The following EYS variants were observed in gnomAD, a reference collection of about 807,000 sequenced individuals.
EYS encodes protein eyes shut homolog.
A neutral mutation model predicts 282.1 loss-of-function variants in EYS; 250 were observed. The observed-to-expected ratio is 0.89, with a 90% CI of 0.80 to 0.98. The LOEUF is 0.98. Among genes scored for constraint, EYS ranks in the 50% least tolerant of loss-of-function variants. The probability of loss-of-function intolerance (pLI) is 0.00; values close to 1 mark genes in which losing one functional copy is unlikely to be tolerated. For missense variants in EYS, 4,016 were observed against 3,709.0 expected (o/e 1.08, Z -2.15); for synonymous variants, 1,355 against 1,282.9 (o/e 1.06, Z -1.20).
chr6:64,452,576 G>T (rs1281541068), intron 26 of EYS, among the ~76,000 whole-genome samples: 4 of 152,088 alleles, frequency 2.6e-5, no homozygotes, highest in African/African-American at 7.2e-5. Flanking sequence ...AAAGAACAAA[G>T]CTGGAGGCAT....
chr6:64,930,461 T>TAAAAA (rs55650031), intron 15 of EYS, among the ~76,000 whole-genome samples: 4 of 123,022 alleles, frequency 3.3e-5, no homozygotes, highest in Non-Finnish European at 5.2e-5. Context: ...ATAAATAAGG[T>TAAAAA]AAAAAAAAAA....
At chr6:63,941,462 G>T (rs925084487) in intron 35 of EYS, among the ~76,000 whole-genome samples, 14 of 152,220 alleles carry the variant, frequency 9.2e-5, no homozygotes, top group East Asian at 3.9e-4. Context: ...TCATGTGTCT[G>T]TTGGCTGCAT....
intron 7 of EYS, among the ~76,000 whole-genome samples, chr6:65,392,018 A>T (rs1272765318): frequency 4.6e-5 from 7 of 151,738 alleles, no homozygotes; most frequent in African/African-American, 1.7e-4. Flanking sequence ...ATAACGCCGC[A>T]TATCTACAAC....
chr6:64,330,384 G>A (rs1452184840), intron 29 of EYS, among the ~76,000 whole-genome samples: 1 of 152,104 alleles, frequency 6.6e-6, no homozygotes, highest in Non-Finnish European at 1.5e-5. Context: ...TACACACTCG[G>A]CAAAACCATT....
intron 28 of EYS, among the ~76,000 whole-genome samples, chr6:64,397,911 C>A (rs1313574473): frequency 6.6e-6 from 1 of 151,734 alleles, no homozygotes; most frequent in Admixed American, 6.6e-5. Flanking sequence ...TTCTATTTTT[C>A]ATTATTATCT....
chr6:65,178,707 A>G (rs1362673240), intron 12 of EYS, among the ~76,000 whole-genome samples: 3 of 152,006 alleles, frequency 2.0e-5, no homozygotes, highest in East Asian at 3.9e-4. Flanking sequence ...TGCACCAAGC[A>G]GACATAATAG....
chr6:65,176,776 A>T (rs551386001), intron 12 of EYS, among the ~76,000 whole-genome samples: 15 of 151,826 alleles, frequency 9.9e-5, no homozygotes, highest in African/African-American at 3.4e-4. Flanking sequence ...TTATTTTTTT[A>T]AAATTTGAAA....
chr6:64,977,824 C>T (rs1005605214), intron 14 of EYS, among the ~76,000 whole-genome samples: 12 of 151,874 alleles, frequency 7.9e-5, no homozygotes, highest in African/African-American at 2.2e-4. Flanking sequence ...TCCAGTTAGG[C>T]GAAACCCAAT....
intron 26 of EYS, among the ~76,000 whole-genome samples, chr6:64,530,970 C>A (rs1001374940): frequency 6.6e-6 from 1 of 152,082 alleles, no homozygotes; most frequent in South Asian, 2.1e-4. Context: ...TTCTGACACC[C>A]CACCTCTAAC....
At chr6:65,422,767 T>C (rs2150378118) in intron 5 of EYS, among the ~76,000 whole-genome samples, 1 of 151,646 alleles carries the variant, frequency 6.6e-6, no homozygotes, top group South Asian at 2.1e-4. Context: ...ATTTAACAAA[T>C]ACATAAATCA....
intron 22 of EYS, among the ~76,000 whole-genome samples, chr6:64,657,958 G>A (rs7450442): frequency 6.6e-6 from 1 of 151,992 alleles, no homozygotes; most frequent in Non-Finnish European, 1.5e-5. Flanking sequence ...GTTTTCCAAC[G>A]TGGTTCCATT....
intron 5 of EYS, among the ~76,000 whole-genome samples, chr6:65,424,101 C>G (rs1040798739): frequency 2.0e-5 from 3 of 151,672 alleles, no homozygotes; most frequent in African/African-American, 7.3e-5. Context: ...GTCCTGGCAG[C>G]CTCCTTCATC....
chr6:65,071,195 C>T (rs2350518), intron 12 of EYS, among the ~76,000 whole-genome samples: 81,640 of 151,236 alleles, frequency 0.54, 22,808 homozygotes, highest in African/African-American at 0.66. Context: ...TAAAAAATTG[C>T]AGAAAAATGT....
At chr6:65,226,264 A>G (rs540510590) in intron 12 of EYS, among the ~76,000 whole-genome samples, 1 of 152,266 alleles carries the variant, frequency 6.6e-6, no homozygotes, top group East Asian at 1.9e-4. Context: ...TTCCATTGCA[A>G]GAACATATAA....
intron 18 of EYS, among the ~76,000 whole-genome samples, chr6:64,898,606 T>C (rs1285639985): frequency 6.6e-6 from 1 of 151,502 alleles, no homozygotes; most frequent in Non-Finnish European, 1.5e-5. Context: ...CATAACAAAA[T>C]TAACTTTAAA....
At chr6:65,443,915 T>C (rs1049450108) in intron 5 of EYS, among the ~76,000 whole-genome samples, 1 of 151,850 alleles carries the variant, frequency 6.6e-6, no homozygotes. Flanking sequence ...CCTTTTTCTT[T>C]ATATCCATAA....
chr6:64,190,075 C>G lies in EYS; in HGVS notation c.6424+40517G>C, dbSNP rs59800168. On this transcript the variant is annotated intron_variant, in intron 31 of 42. Transcript: ENST00000503581. ...GCATCAACAAGATAAACTTTCTATT[C>G]TGGTGAATCAAATAGGATGGAGTGG... Among the ~76,000 whole-genome samples, 399 of 152,214 alleles carry G rather than the reference C, an allele frequency of 2.6e-3. 2 individuals are homozygous for G. The highest frequency in any genetic ancestry group is 9.1e-3 in the African/African-American group (380 of 41,536).
chr6:63,915,455 G>T (rs1265492695), intron 35 of EYS, among the ~76,000 whole-genome samples: 1 of 152,206 alleles, frequency 6.6e-6, no homozygotes, highest in Non-Finnish European at 1.5e-5. Context: ...GGCACAAGGA[G>T]ACTAGTGTTT....
At chr6:63,842,071 A>G (rs558042960) in intron 36 of EYS, among the ~76,000 whole-genome samples, 7 of 152,192 alleles carry the variant, frequency 4.6e-5, no homozygotes, top group Non-Finnish European at 8.8e-5. Context: ...CAGTAAACAT[A>G]CGTGTGCATG....
Sources: gnomAD v4.1 joint callset for allele counts (sites outside exome capture counted in the v4.1 genomes callset) on GRCh38, gnomAD v4.1.1 for gene constraint, MANE v1.5 for transcripts, NCBI Gene and HGNC (gene_info 2026-07-23, HGNC 2026-07-21) for gene names.